The following OTOF variants were observed in gnomAD, a reference collection of about 807,000 sequenced individuals.
The protein encoded by OTOF is fer-1-like family member 2.
Under a neutral mutation model 236.8 loss-of-function variants are expected in OTOF, and 218 were observed. The observed-to-expected ratio is 0.92, with a 90% CI of 0.82 to 1.03. OTOF has a LOEUF of 1.03. Among genes scored for constraint, OTOF ranks in the 50% least tolerant of loss-of-function variants. The pLI is 0.00. For synonymous variants in OTOF, 1,041 were observed against 1,072.5 expected, an observed-to-expected ratio of 0.97 and a Z score of 0.57; for missense variants, 2,590 against 2,694.4, an observed-to-expected ratio of 0.96 and a Z score of 0.86.
intron 5 of OTOF, among the ~76,000 whole-genome samples, chr2:26,508,506 G>A (rs1666306188): frequency 6.6e-6 from 1 of 152,198 alleles, no homozygotes; most frequent in Admixed American, 6.5e-5. Flanking sequence ...AGAAGGCTTG[G>A]GGGACCCACA....
intron 33 of OTOF, among the ~76,000 whole-genome samples, chr2:26,467,799 C>T (rs955977570): frequency 3.9e-5 from 6 of 152,184 alleles, no homozygotes; most frequent in African/African-American, 1.4e-4. Context: ...TGCCCACTCA[C>T]TTTCCTCACT....
At chr2:26,472,727 CG>C (rs2148040328) in intron 29 of OTOF, 78 bp from the exon 30 acceptor site, 1 of 1,477,892 alleles carries the variant, frequency 6.8e-7, no homozygotes, top group Non-Finnish European at 9.3e-7. Flanking sequence ...CAGGAAGGTG[CG>C]GAGAACTAAA....
chr2:26,464,278 G>T (rs1664625165), intron 39 of OTOF, among the ~76,000 whole-genome samples, 172 bp from the exon 40 acceptor site: 1 of 152,080 alleles, frequency 6.6e-6, no homozygotes, highest in Non-Finnish European at 1.5e-5. Context: ...CTTGCCCAGG[G>T]TCTCAGCTGC....
rs1665359693 is a variant in OTOF at position 26,477,374 on chromosome 2, C to G, written c.2406+42G>C. On this transcript the variant is annotated intron_variant, in intron 20 of 46. Transcript: ENST00000272371. The surrounding 1 kb of genome is among the most constrained non-coding windows in gnomAD (Gnocchi z 4.7). ...GGGGGTTGTGACACCTTCTCACAACCAGGCCCTCCCTCCAGCCCCCGCCGT... is the reference window on the plus strand; with the variant it reads ...GGGGGTTGTGACACCTTCTCACAACGAGGCCCTCCCTCCAGCCCCCGCCGT... 1 of 1,569,950 alleles carries G rather than the reference C, an allele frequency of 6.4e-7. No homozygotes were observed. Among genetic ancestry groups the G allele is most frequent in the Non-Finnish European group, 8.7e-7 (1 of 1,155,636 alleles).
At chr2:26,530,362 G>A (rs1001326523) in intron 2 of OTOF, among the ~76,000 whole-genome samples, 3 of 152,158 alleles carry the variant, frequency 2.0e-5, no homozygotes, top group African/African-American at 4.8e-5. Flanking sequence ...GGCTTCCGGG[G>A]CCCCTGACTG....
chr2:26,472,298 A>G (rs1473962703), intron 30 of OTOF: 17 of 606,798 alleles, frequency 2.8e-5, no homozygotes, highest in Non-Finnish European at 4.2e-5. Flanking sequence ...ACACATGCGC[A>G]CACACATGCA....
At position 26,461,067 on chromosome 2, in the gene OTOF, G is replaced by T; in HGVS notation, c.5534-37C>A. The T allele has an allele frequency of 1.4e-6, 2 of 1,429,740 alleles. No individual in the cohort carries two copies. The highest frequency in any genetic ancestry group is 1.9e-6 in the Non-Finnish European group (2 of 1,026,992). 88.6% of individuals were successfully genotyped at this position (1,429,740 alleles called of 1,614,324 possible). On this transcript the variant is annotated intron_variant, in intron 43 of 46. Coordinates refer to ENST00000272371, the MANE Select transcript of OTOF (RefSeq NM_194248.3). This position sits in a 1 kb window ranked among gnomAD's most constrained non-coding sequence, Gnocchi z 6.2. ...TCAGTGTCAGCTCAGAGTGAACAGG[G>T]CTGGGGTGGGGCGGGGTGGGGGTGG...
At chr2:26,467,041 C>T (rs1664760992) in intron 35 of OTOF, 58 bp downstream of exon 35, 3 of 1,574,988 alleles carry the variant, frequency 1.9e-6, no homozygotes, top group South Asian at 1.1e-5. Flanking sequence ...GTGGGGGAAC[C>T]TGTGGGGGGG....
At chr2:26,476,104 T>A (rs774879239) in intron 23 of OTOF, 24 bp downstream of exon 23, 1 of 1,611,292 alleles carries the variant, frequency 6.2e-7, no homozygotes, top group Admixed American at 1.7e-5. Flanking sequence ...CAGGTGAGGC[T>A]TCGAGTGAGG....
chr2:26,499,576 C>T (rs1346078939), intron 8 of OTOF, among the ~76,000 whole-genome samples: 2 of 152,110 alleles, frequency 1.3e-5, no homozygotes, highest in Non-Finnish European at 1.5e-5. Flanking sequence ...GGTGCGGTCT[C>T]GACTCACTAC....
rs746069471 is a variant in OTOF, at chr2:26,503,856, G to A, written c.510-11C>T. The A allele has an allele frequency of 1.2e-6, 2 of 1,613,440 alleles. No individual in the cohort carries two copies. Among genetic ancestry groups the A allele is most frequent in the Admixed American group, 1.7e-5 (1 of 60,034 alleles). The stretch of plus-strand genomic sequence containing the variant: ...ACGCTCCTCCCGGCTCTGTGAGGGG[G>A]GCCACCAGAATGAGGTGCAGGGAGA... On this transcript the variant is annotated splice_polypyrimidine_tract_variant and intron_variant, in intron 5 of 46. Coordinates refer to ENST00000272371, the MANE Select transcript of OTOF (RefSeq NM_194248.3).
At chr2:26,517,304 G>A (rs1666558240) in intron 4 of OTOF, among the ~76,000 whole-genome samples, 1 of 152,162 alleles carries the variant, frequency 6.6e-6, no homozygotes, top group Non-Finnish European at 1.5e-5. Context: ...CTGGTCTAGA[G>A]GTGACTTGGT....
intron 1 of OTOF, among the ~76,000 whole-genome samples, chr2:26,539,680 G>C (rs1483521821): frequency 6.6e-6 from 1 of 152,044 alleles, no homozygotes; most frequent in Non-Finnish European, 1.5e-5. Context: ...GGTTGTGGTG[G>C]GCCGAGATTG....
rs748519111 is a variant in OTOF at position 26,473,387 on chromosome 2, C to T, written c.3570+19G>A. On this transcript the variant is annotated intron_variant, in intron 28 of 46. Coordinates refer to ENST00000272371, the MANE Select transcript of OTOF (RefSeq NM_194248.3). The surrounding 1 kb of genome is among the most constrained non-coding windows in gnomAD (Gnocchi z 7.2). ...GCCACACTGGCCACAGGATGTCCTC[C>T]GCCAGGGCCTGCACTCACCACTTCA... 96 of 1,613,148 alleles carry T rather than the reference C, an allele frequency of 6.0e-5. No homozygotes were observed. Among genetic ancestry groups the T allele is most frequent in the Middle Eastern group, 1.6e-4 (1 of 6,082 alleles).
At position 26,467,155 on chromosome 2, in the gene OTOF, T is replaced by A; in HGVS notation, c.4306A>T (p.Thr1436Ser). 1 of 1,614,084 alleles carries A rather than the reference T, an allele frequency of 6.2e-7. No homozygotes were observed. The highest frequency in any genetic ancestry group is 2.2e-5 in the East Asian group (1 of 44,870). ...GTGGAGCCATCCTCATCATCCCCGG[T>A]CTTGCCCCGAAGCAAGTTGAAAGTG... ...LHTFNLLRGK[T>S]GDDEDGSTEE... Residue 1436 changes from threonine to serine, a missense_variant, in exon 35 of 47, where the codon ACC (threonine) becomes TCC (serine). Physicochemically the swap from Thr to Ser is moderately conservative, Grantham distance 58. Transcript: ENST00000272371.
In OTOF at chr2:26,461,525, G is replaced by A. The variant is rs766238128; in HGVS notation, c.5533+171C>T. ...ACACTGAGAACATCTGCCTAGGGAC[G>A]GTTAGGTGGGTCCTTGGGGGCGGAA... On this transcript the variant is annotated intron_variant, in intron 43 of 46. Transcript: ENST00000272371. This position sits in a 1 kb window ranked among gnomAD's most constrained non-coding sequence, Gnocchi z 6.2. 7.2e-5 allele frequency among the ~76,000 whole-genome samples: 11 copies of A among 152,010 alleles called. No homozygotes were observed. The highest frequency in any genetic ancestry group is 1.9e-4 in the African/African-American group (8 of 41,366).
rs777694039 is a variant in OTOF, at chr2:26,460,225, G to C, written c.5814-20C>G. Reference sequence around the variant, plus strand: ...GGCCGGCTGGAGTATGAAGGGTAGAGAGCGCAGAGGAGGGACAGGGAGGAG... The same window carrying C: ...GGCCGGCTGGAGTATGAAGGGTAGACAGCGCAGAGGAGGGACAGGGAGGAG... On this transcript the variant is annotated intron_variant, in intron 45 of 46. Coordinates refer to ENST00000272371, the MANE Select transcript of OTOF (RefSeq NM_194248.3). This position sits in a 1 kb window ranked among gnomAD's most constrained non-coding sequence, Gnocchi z 5.3. 24 of 1,584,138 alleles carry C rather than the reference G, an allele frequency of 1.5e-5. No homozygotes were observed. The highest frequency in any genetic ancestry group is 3.4e-6 in the Non-Finnish European group (4 of 1,163,434).
At chr2:26,543,297 C>A (rs574835102) in intron 1 of OTOF, among the ~76,000 whole-genome samples, 2 of 152,220 alleles carry the variant, frequency 1.3e-5, no homozygotes, top group African/African-American at 4.8e-5. Context: ...CCCGGCACAA[C>A]GGCCCATGGT....
chr2:26,521,080 C>T (rs1254642019), intron 3 of OTOF, among the ~76,000 whole-genome samples: 1 of 152,208 alleles, frequency 6.6e-6, no homozygotes, highest in Non-Finnish European at 1.5e-5. Context: ...GACTTCAGTT[C>T]ACACCACTGG....
Sources: gnomAD v4.1 joint callset for allele counts (sites outside exome capture counted in the v4.1 genomes callset) on GRCh38, gnomAD v4.1.1 for gene constraint, Gnocchi (gnomAD v3.1) non-coding constraint, MANE v1.5 for transcripts, NCBI Gene and HGNC (gene_info 2026-07-23, HGNC 2026-07-21) for gene names.